The following INTS4 variants were observed in gnomAD, a reference collection of about 807,000 sequenced individuals.
INTS4 encodes the protein MSTP093.
A neutral mutation model predicts 119.5 loss-of-function variants in INTS4; 70 were observed. The ratio of observed to expected loss-of-function variants is 0.59; its 90% CI spans 0.48 to 0.71. The LOEUF is 0.71. Ranked by LOEUF, INTS4 falls within the 30% of genes least tolerant of loss-of-function variation. INTS4 has a pLI of 0.00. For missense variants in INTS4, 867 were observed against 1,173.2 expected, an observed-to-expected ratio of 0.74 and a Z score of 3.81; for synonymous variants, 316 against 419.6, an observed-to-expected ratio of 0.75 and a Z score of 3.02.
chr11:77,902,877 G>A (rs575071257), intron 17 of INTS4, among the ~76,000 whole-genome samples: 2 of 152,306 alleles, frequency 1.3e-5, no homozygotes, highest in Non-Finnish European at 2.9e-5. Context: ...TAACGTTGAA[G>A]AGATGGTACA....
chr11:77,962,939 C>G (rs1855298578), intron 4 of INTS4, among the ~76,000 whole-genome samples: 1 of 152,006 alleles, frequency 6.6e-6, no homozygotes, highest in Non-Finnish European at 1.5e-5. Context: ...TGCTTGAACC[C>G]AGGAAGCGGA....
At chr11:77,962,631 A>T (rs1855285170) in intron 4 of INTS4, among the ~76,000 whole-genome samples, 1 of 152,220 alleles carries the variant, frequency 6.6e-6, no homozygotes, top group Non-Finnish European at 1.5e-5. Context: ...ACAGTACATA[A>T]AAACAGACAT....
At chr11:77,933,873 G>GCCACC (rs1436574065) in intron 10 of INTS4, among the ~76,000 whole-genome samples, 1 of 152,140 alleles carries the variant, frequency 6.6e-6, no homozygotes. Flanking sequence ...CTGCCCGGCA[G>GCCACC]CCACCCCGTC....
chr11:77,973,121 C>G (rs912548124), intron 4 of INTS4, among the ~76,000 whole-genome samples: 1 of 152,132 alleles, frequency 6.6e-6, no homozygotes, highest in African/African-American at 2.4e-5. Context: ...GGATTACAGG[C>G]AAGAGGCACC....
chr11:77,975,078 T>A (rs1855891222), intron 4 of INTS4, among the ~76,000 whole-genome samples: 2 of 152,184 alleles, frequency 1.3e-5, no homozygotes. Flanking sequence ...GTTTTTCTAT[T>A]CTGTTTAATT....
Position 77,932,606 on chromosome 11 carries a change from G to A in INTS4, c.1166-4059C>T, listed in dbSNP as rs150348792. 2.8e-3 allele frequency among the ~76,000 whole-genome samples: 433 copies of A among 152,174 alleles called. 1 individual carries two copies. Among genetic ancestry groups the A allele is most frequent in the Middle Eastern group, 0.014 (4 of 294 alleles). ...ATTTGACCCAGCAATCCCATTACTG[G>A]GCATATACCCAAAGCATTATAAATC... is the stretch of plus-strand genomic sequence containing the variant. On this transcript the variant is annotated intron_variant, in intron 10 of 22. Transcript: ENST00000534064.
intron 3 of INTS4, 95 bp from the exon 4 acceptor site, chr11:77,979,197 G>T (rs1047077404): frequency 5.9e-6 from 4 of 674,660 alleles, no homozygotes; most frequent in Middle Eastern, 2.5e-4. Context: ...TTGGCTAGGC[G>T]CAGTGACTCA....
chr11:77,915,729 C>G lies in INTS4; in HGVS notation c.1922+3092G>C, dbSNP rs1953190358. Among the ~76,000 whole-genome samples, 4 of 152,200 alleles carry G rather than the reference C, an allele frequency of 2.6e-5. No homozygotes were observed. The South Asian group carries it at 8.3e-4, about 31-fold the overall frequency. On this transcript the variant is annotated intron_variant, in intron 15 of 22. Transcript: ENST00000534064. ...GCATATACTGGATTTGGCTCACTCACTCGTGGTATTCCTATCTTCATCTAC... is the reference window on the plus strand; with the variant it reads ...GCATATACTGGATTTGGCTCACTCAGTCGTGGTATTCCTATCTTCATCTAC...
chr11:77,932,434 G>C (rs559417198), intron 10 of INTS4, among the ~76,000 whole-genome samples: 87 of 152,226 alleles, frequency 5.7e-4, no homozygotes, highest in Non-Finnish European at 1.1e-3. Flanking sequence ...TTAGAATGGC[G>C]ATCATTAAAA....
chr11:77,956,833 C>G (rs1954340119), intron 7 of INTS4, among the ~76,000 whole-genome samples: 1 of 151,796 alleles, frequency 6.6e-6, no homozygotes, highest in African/African-American at 2.4e-5. Flanking sequence ...CTGACACACA[C>G]AAAAATGATA....
chr11:77,968,504 G>A lies in INTS4; in HGVS notation c.472-7366C>T, dbSNP rs190560588. Among the ~76,000 whole-genome samples, 332 of 152,256 alleles carry A rather than the reference G, an allele frequency of 2.2e-3. 2 individuals are homozygous for A. The highest frequency in any genetic ancestry group is 7.7e-3 in the African/African-American group (322 of 41,558). ...TAGGGACGAGGGGATGGGGACATGG[G>A]GAGTTATTGTTTAATGGGTATAGAG... On this transcript the variant is annotated intron_variant, in intron 4 of 22. Transcript: ENST00000534064.
intron 21 of INTS4, among the ~76,000 whole-genome samples, chr11:77,887,565 T>C (rs1304476369): frequency 1.3e-5 from 2 of 152,180 alleles, no homozygotes; most frequent in African/African-American, 4.8e-5. Context: ...TTGGAAGTGC[T>C]GGCCAGGGCA....
At chr11:77,941,323 T>C in intron 8 of INTS4, 72 bp from the exon 9 acceptor site, 2 of 1,555,570 alleles carry the variant, frequency 1.3e-6, no homozygotes, top group Middle Eastern at 1.7e-4. Context: ...ATTCAGAGTC[T>C]ATAGACAATT....
intron 8 of INTS4, among the ~76,000 whole-genome samples, chr11:77,942,686 C>T (rs1278549184): frequency 6.6e-6 from 1 of 152,004 alleles, no homozygotes; most frequent in Non-Finnish European, 1.5e-5. Flanking sequence ...ACTAATGGAC[C>T]ATAAGGAATC....
intron 2 of INTS4, among the ~76,000 whole-genome samples, chr11:77,985,724 T>A (rs768976903): frequency 1.3e-5 from 2 of 151,882 alleles, no homozygotes; most frequent in Admixed American, 6.6e-5. Flanking sequence ...GCTGAGCAAA[T>A]GAAAAAATAA....
In INTS4 at chr11:77,891,417, C is replaced by G. The variant is rs1441211258; in HGVS notation, c.2494G>C (p.Asp832His). 1.2e-6 allele frequency: 2 copies of G among 1,613,472 alleles called. No homozygotes were observed. Among genetic ancestry groups the G allele is most frequent in the Non-Finnish European group, 1.7e-6 (2 of 1,179,758 alleles). Reference protein sequence around the residue: ...ATIIEPAGESDNPLRFTSGLV... With the variant: ...ATIIEPAGESHNPLRFTSGLV... Reference sequence around the variant, plus strand: ...CCAGAGGTAAACCGCAAAGGGTTGTCTGACTCGCCCGCTGGCTCGATGATG... The same window carrying G: ...CCAGAGGTAAACCGCAAAGGGTTGTGTGACTCGCCCGCTGGCTCGATGATG... The change falls in exon 21 of 23, where the codon GAC (aspartate) becomes CAC (histidine). Residue 832 changes from aspartate to histidine, a missense_variant. Physicochemically the swap from Asp to His is moderately conservative, Grantham distance 81. Coordinates refer to ENST00000534064, the MANE Select transcript of INTS4 (RefSeq NM_033547.4).
chr11:77,970,318 G>C (rs919125578), intron 4 of INTS4, among the ~76,000 whole-genome samples: 2 of 152,036 alleles, frequency 1.3e-5, no homozygotes, highest in Non-Finnish European at 2.9e-5. Flanking sequence ...AGAATTGCTT[G>C]AACCCAGGAG....
At chr11:77,993,353 T>A (rs929532592) in intron 1 of INTS4, among the ~76,000 whole-genome samples, 3 of 152,200 alleles carry the variant, frequency 2.0e-5, no homozygotes, top group African/African-American at 7.2e-5. Flanking sequence ...GCACAAATGT[T>A]AAGTCCACTG....
chr11:77,989,423 T>A (rs987899617), intron 2 of INTS4, among the ~76,000 whole-genome samples: 8 of 151,972 alleles, frequency 5.3e-5, no homozygotes, highest in African/African-American at 1.9e-4. Flanking sequence ...GGAGTGCTAT[T>A]ACACTCCAGC....
Sources: allele counts gnomAD v4.1 joint callset (sites outside exome capture counted in the v4.1 genomes callset), GRCh38; gene constraint gnomAD v4.1.1; transcripts MANE v1.5; gene names NCBI Gene and HGNC (gene_info 2026-07-23, HGNC 2026-07-21).